MAGI2: variants seen among roughly 807,000 people sequenced by gnomAD.
The protein encoded by MAGI2 is membrane-associated guanylate kinase, WW and PDZ domain-containing protein 2.
In MAGI2, 35 loss-of-function variants were observed where a neutral mutation model predicts 133.3. The ratio of observed to expected loss-of-function variants is 0.26; its 90% CI spans 0.20 to 0.35. The LOEUF (loss-of-function observed/expected upper bound fraction) is 0.35, where lower values mean the gene tolerates loss of function less well. Among genes scored for constraint, MAGI2 ranks in the 10% least tolerant of loss-of-function variants. The pLI, the probability that MAGI2 is intolerant of heterozygous loss-of-function variation, is 1.00. For missense variants in MAGI2, 1,636 were observed against 1,863.4 expected (o/e 0.88, Z 2.25); for synonymous variants, 729 against 710.6 (o/e 1.03, Z -0.41).
At position 78,548,509 on chromosome 7, in the gene MAGI2, A is replaced by C. The variant is rs561865163; in HGVS notation, c.539-26864T>G. On this transcript the variant is annotated intron_variant, in intron 3 of 21. Coordinates refer to ENST00000354212, the MANE Select transcript of MAGI2 (RefSeq NM_012301.4). Reference sequence around the variant, plus strand: ...CAGGAATTCCACATCAGCCTGGCCAACATGGTGAAACCCCGTCTCTATTAA... The same window carrying C: ...CAGGAATTCCACATCAGCCTGGCCACCATGGTGAAACCCCGTCTCTATTAA... 7.7e-4 allele frequency among the ~76,000 whole-genome samples: 118 copies of C among 152,284 alleles called. 1 individual carries two copies. Among genetic ancestry groups the C allele is most frequent in the African/African-American group, 2.7e-3 (112 of 41,546 alleles).
In MAGI2 at chr7:78,796,633, T is replaced by C. The variant is rs117121721; in HGVS notation, c.419-169394A>G. Among the ~76,000 whole-genome samples the C allele has an allele frequency of 7.2e-3, 1,094 of 152,252 alleles. 37 individuals are homozygous for C. Among genetic ancestry groups the C allele is most frequent in the Admixed American group, 0.049 (743 of 15,270 alleles). ...TCCAGCAATTGCACTGCTGTGTATA[T>C]ATATTCAAAAGAAAGGTAATCAGTA... On this transcript the variant is annotated intron_variant, in intron 2 of 21. Coordinates refer to ENST00000354212, the MANE Select transcript of MAGI2 (RefSeq NM_012301.4).
chr7:78,590,601 G>A (rs1214623891), intron 3 of MAGI2, among the ~76,000 whole-genome samples: 1 of 152,182 alleles, frequency 6.6e-6, no homozygotes, highest in Non-Finnish European at 1.5e-5. Flanking sequence ...ATCATGGTTG[G>A]TTTTCCTTAT....
intron 1 of MAGI2, among the ~76,000 whole-genome samples, chr7:79,267,314 A>G (rs1264873606): frequency 1.3e-5 from 2 of 152,162 alleles, no homozygotes; most frequent in Admixed American, 1.3e-4. Context: ...GTTTGTTAAC[A>G]AAGCCTTCAG....
chr7:78,606,496 G>A (rs945826633), intron 3 of MAGI2, among the ~76,000 whole-genome samples: 1 of 152,140 alleles, frequency 6.6e-6, no homozygotes, highest in African/African-American at 2.4e-5. Context: ...GAAGAAAGAA[G>A]AGAGAAGGTG....
intron 1 of MAGI2, among the ~76,000 whole-genome samples, chr7:79,106,746 A>C (rs934346480): frequency 2.6e-5 from 4 of 152,170 alleles, no homozygotes; most frequent in Non-Finnish European, 5.9e-5. Flanking sequence ...AATAAACTCA[A>C]GTGTTCTCTA....
At chr7:78,840,113 A>G (rs1791998696) in intron 2 of MAGI2, among the ~76,000 whole-genome samples, 1 of 152,002 alleles carries the variant, frequency 6.6e-6, no homozygotes, top group Admixed American at 6.6e-5. Context: ...TTAGGTGCTT[A>G]TAGCATAAAG....
chr7:78,658,366 G>GTAAAATA (rs1476780356), intron 2 of MAGI2, among the ~76,000 whole-genome samples: 5 of 152,266 alleles, frequency 3.3e-5, no homozygotes, highest in Admixed American at 2.0e-4. Flanking sequence ...AATGTAAAAT[G>GTAAAATA]TAAAACTATA....
intron 14 of MAGI2, among the ~76,000 whole-genome samples, chr7:78,177,055 C>G (rs1327217622): frequency 6.6e-6 from 1 of 151,248 alleles, no homozygotes; most frequent in Non-Finnish European, 1.5e-5. Flanking sequence ...ATGCCAAGAC[C>G]TTTATATATA....
intron 7 of MAGI2, among the ~76,000 whole-genome samples, chr7:78,367,324 G>GA: frequency 6.6e-6 from 1 of 152,290 alleles, no homozygotes; most frequent in Non-Finnish European, 1.5e-5. Context: ...GGACAGAGAA[G>GA]AAAGGTTTTA....
chr7:78,671,799 A>T (rs1814423089), intron 2 of MAGI2, among the ~76,000 whole-genome samples: 1 of 152,188 alleles, frequency 6.6e-6, no homozygotes, highest in South Asian at 2.1e-4. Flanking sequence ...CAAGTCTGTG[A>T]TTATTTAAAA....
rs143830206 is a variant in MAGI2, at chr7:78,248,063, T to A, written c.2047+7880A>T. ...AAAGTCAAAAGAAAAAGTAAGAATT[T>A]AAAAAGCAGCAATGAGAAAAATGTC... On this transcript the variant is annotated intron_variant, in intron 10 of 21. Transcript: ENST00000354212. Among the ~76,000 whole-genome samples, 639 of 152,182 alleles carry A rather than the reference T, an allele frequency of 4.2e-3. 6 individuals carry two copies. The highest frequency in any genetic ancestry group is 0.015 in the African/African-American group (605 of 41,516).
At position 78,849,868 on chromosome 7, in the gene MAGI2, A is replaced by AT. The variant is rs567703278; in HGVS notation, c.418+157221dup. Among the ~76,000 whole-genome samples the AT allele has an allele frequency of 2.8e-3, 418 of 151,918 alleles. 3 individuals are homozygous for AT. Among genetic ancestry groups the AT allele is most frequent in the African/African-American group, 9.6e-3 (397 of 41,460 alleles). ...AAGGATTAAAATTCTACCTAAGTAA[A>AT]TTTTTTTCTCATGGAAATACAATAA... is the stretch of plus-strand genomic sequence containing the variant. On this transcript the variant is annotated intron_variant, in intron 2 of 21. Coordinates refer to ENST00000354212, the MANE Select transcript of MAGI2 (RefSeq NM_012301.4).
At chr7:78,056,516 A>C (rs1274050199) in intron 21 of MAGI2, among the ~76,000 whole-genome samples, 2 of 152,224 alleles carry the variant, frequency 1.3e-5, no homozygotes, top group African/African-American at 4.8e-5. Flanking sequence ...TGTCCTTTGC[A>C]GAAACATGGT....
At chr7:78,109,253 G>C (rs1424220036) in intron 20 of MAGI2, among the ~76,000 whole-genome samples, 1 of 115,056 alleles carries the variant, frequency 8.7e-6, no homozygotes, top group Admixed American at 1.2e-4. Flanking sequence ...GCAGTGAGCC[G>C]ACATCGAGCC....
At chr7:78,189,573 C>A (rs1355239386) in intron 12 of MAGI2, among the ~76,000 whole-genome samples, 4 of 152,104 alleles carry the variant, frequency 2.6e-5, no homozygotes, top group Non-Finnish European at 5.9e-5. Flanking sequence ...CATGGTGTAC[C>A]TCATAAATTG....
At chr7:79,255,794 A>G (rs1281467132) in intron 1 of MAGI2, among the ~76,000 whole-genome samples, 1 of 152,190 alleles carries the variant, frequency 6.6e-6, no homozygotes, top group Admixed American at 6.5e-5. Context: ...ATAATTTTAG[A>G]CAATTATGCT....
intron 11 of MAGI2, among the ~76,000 whole-genome samples, chr7:78,200,712 T>C (rs2150757399): frequency 6.6e-6 from 1 of 152,308 alleles, no homozygotes. Flanking sequence ...TACACACATG[T>C]AGCTCTGCAT....
intron 2 of MAGI2, among the ~76,000 whole-genome samples, chr7:79,001,909 G>T (rs1806894802): frequency 6.6e-6 from 1 of 151,970 alleles, no homozygotes. Flanking sequence ...TACTATGAGG[G>T]TAATTGAAAT....
At chr7:79,306,373 G>A (rs973372327) in intron 1 of MAGI2, among the ~76,000 whole-genome samples, 13 of 148,296 alleles carry the variant, frequency 8.8e-5, no homozygotes, top group African/African-American at 2.0e-4. Flanking sequence ...TGTTGTCCAG[G>A]CTCATCTCAA....
Sources: allele counts gnomAD v4.1 joint callset (sites outside exome capture counted in the v4.1 genomes callset), GRCh38; gene constraint gnomAD v4.1.1; transcripts MANE v1.5; gene names NCBI Gene and HGNC (gene_info 2026-07-23, HGNC 2026-07-21).